ETV1: variants seen among roughly 807,000 people sequenced by gnomAD.
The protein encoded by ETV1 is ETS variant transcription factor 1.
ETV1 carries 27 observed loss-of-function variants against 62.3 expected under a neutral mutation model. That is an observed-to-expected ratio of 0.43 (90% CI 0.32 to 0.60). The LOEUF (loss-of-function observed/expected upper bound fraction) is 0.60. Ranked by LOEUF, ETV1 falls within the 20% of genes least tolerant of loss-of-function variation. The pLI, the probability that ETV1 is intolerant of heterozygous loss-of-function variation, is 0.06. For synonymous variants in ETV1, 222 were observed against 199.6 expected, an observed-to-expected ratio of 1.11 and a Z score of -0.94; for missense variants, 605 against 605.8, an observed-to-expected ratio of 1.00 and a Z score of 0.01.
chr7:13,987,420 A>T (rs1466060859), intron 4 of ETV1, among the ~76,000 whole-genome samples: 1 of 152,178 alleles, frequency 6.6e-6, no homozygotes. Flanking sequence ...AAGTATATTA[A>T]GTTTATTATG....
Position 13,932,042 on chromosome 7 carries a change from ACC to A in ETV1, c.555-295_555-294del, listed in dbSNP as rs961154132. 8.3e-3 allele frequency among the ~76,000 whole-genome samples: 961 copies of A among 116,422 alleles called. 14 individuals are homozygous for A. Among genetic ancestry groups the A allele is most frequent in the African/African-American group, 0.028 (887 of 31,422 alleles). The allele number at this position is 116,422 out of a possible 152,430, so 76.4% of individuals were successfully genotyped here. ...ATGAAAAACTTTGAGGATTTTACACACCCACACACACACACACACACACACAC... is the reference window on the plus strand; with the variant it reads ...ATGAAAAACTTTGAGGATTTTACACACACACACACACACACACACACACAC... On this transcript the variant is annotated intron_variant, in intron 8 of 13. Transcript: ENST00000430479.
At chr7:13,963,573 A>G (rs1333680827) in intron 6 of ETV1, among the ~76,000 whole-genome samples, 1 of 151,600 alleles carries the variant, frequency 6.6e-6, no homozygotes, top group African/African-American at 2.4e-5. Flanking sequence ...CTATACGTAT[A>G]TATAGAGAGA....
At position 13,950,941 on chromosome 7, in the gene ETV1, C is replaced by CACACACAA. The variant is rs796670451; in HGVS notation, c.236-11696_236-11695insTTGTGTGT. On this transcript the variant is annotated intron_variant, in intron 6 of 13. Transcript: ENST00000430479. ...ACACACACACACACACACACACACA[C>CACACACAA]AATATCGAGCAATACTGGGTCCAAT... Among the ~76,000 whole-genome samples the CACACACAA allele has an allele frequency of 2.5e-3, 369 of 147,204 alleles. 4 individuals are homozygous for CACACACAA. The highest frequency in any genetic ancestry group is 0.015 in the South Asian group (67 of 4,594).
chr7:13,916,741 C>T (rs886652316), intron 9 of ETV1, among the ~76,000 whole-genome samples: 1 of 152,006 alleles, frequency 6.6e-6, no homozygotes, highest in Admixed American at 6.6e-5. Context: ...CCAGCCTGGG[C>T]AATATGGTGA....
In ETV1 at chr7:13,895,388, G is replaced by A; in HGVS notation, c.*478C>T. On this transcript the variant is annotated 3_prime_UTR_variant, in exon 14 of 14. Transcript: ENST00000430479. ...AAACTGCCATTTACAGTAGATTGGG[G>A]TTTTTTTGTACACCTGCAGAGACTC... The A allele has an allele frequency of 4.2e-6, 1 of 235,518 alleles. No individual in the cohort carries two copies. Among genetic ancestry groups the A allele is most frequent in the Non-Finnish European group, 8.4e-6 (1 of 119,404 alleles). 14.6% of individuals were successfully genotyped at this position (235,518 alleles called of 1,614,324 possible).
chr7:13,921,068 C>G (rs912936668), intron 9 of ETV1, among the ~76,000 whole-genome samples: 5 of 152,132 alleles, frequency 3.3e-5, no homozygotes, highest in African/African-American at 9.7e-5. Context: ...TTAACATTTT[C>G]TGAAAGTTCA....
In ETV1 at chr7:13,962,604, C is replaced by G. The variant is rs147658106; in HGVS notation, c.235+14823G>C. Among the ~76,000 whole-genome samples, 706 of 152,132 alleles carry G rather than the reference C, an allele frequency of 4.6e-3. 16 individuals carry two copies. The highest frequency in any genetic ancestry group is 2.9e-3 in the Non-Finnish European group (195 of 67,958). On this transcript the variant is annotated intron_variant, in intron 6 of 13. Transcript: ENST00000430479. ...GAGTCCAAACCAATTTTAAAATTCT[C>G]TTTTGAGAGCATCATTATTTTGTTA...
chr7:13,932,669 A>G (rs187222240), intron 8 of ETV1, among the ~76,000 whole-genome samples: 30 of 152,310 alleles, frequency 2.0e-4, no homozygotes, highest in Non-Finnish European at 5.9e-5. Context: ...CATCCATAAT[A>G]TCATTGACCC....
intron 9 of ETV1, among the ~76,000 whole-genome samples, chr7:13,923,305 G>A (rs554668045): frequency 4.6e-5 from 7 of 152,286 alleles, no homozygotes; most frequent in Middle Eastern, 6.8e-3. Context: ...ACTACAGGCA[G>A]CATTAGGAAT....
chr7:13,949,348 C>T (rs1045463113), intron 6 of ETV1, among the ~76,000 whole-genome samples: 7 of 152,106 alleles, frequency 4.6e-5, no homozygotes, highest in African/African-American at 1.7e-4. Context: ...ACTTCAATTT[C>T]AGGTAATAAA....
At chr7:13,913,876 CTCTT>C (rs1783830984) in intron 9 of ETV1, among the ~76,000 whole-genome samples, 1 of 118,884 alleles carries the variant, frequency 8.4e-6, no homozygotes, top group African/African-American at 3.3e-5. Context: ...TTGGGGGTAC[CTCTT>C]TTTTTTTTTT....
chr7:13,981,974 A>T (rs1562716003), intron 5 of ETV1, among the ~76,000 whole-genome samples: 1 of 152,144 alleles, frequency 6.6e-6, no homozygotes, highest in Non-Finnish European at 1.5e-5. Flanking sequence ...CATTAAAATG[A>T]TTGTACAAAT....
At chr7:13,896,739 G>GA (rs1781841551) in intron 13 of ETV1, among the ~76,000 whole-genome samples, 2 of 55,296 alleles carry the variant, frequency 3.6e-5, no homozygotes, top group Admixed American at 3.9e-4. Context: ...GAAAAAGAAA[G>GA]AAAGGAAAGA....
chr7:13,967,773 A>T (rs144621763), intron 6 of ETV1, among the ~76,000 whole-genome samples: 14 of 152,274 alleles, frequency 9.2e-5, no homozygotes, highest in Admixed American at 4.6e-4. Context: ...GTCCACATGT[A>T]CTAGTTTAGC....
At chr7:13,923,506 T>C (rs946482183) in intron 9 of ETV1, among the ~76,000 whole-genome samples, 5 of 152,366 alleles carry the variant, frequency 3.3e-5, no homozygotes, top group Middle Eastern at 3.4e-3. Context: ...CTCTGACAGA[T>C]GAAAGTTAAA....
chr7:13,893,399 T>C lies in ETV1; in HGVS notation c.*2467A>G, dbSNP rs1027696349. 1.7e-5 allele frequency: 4 copies of C among 230,792 alleles called. No homozygotes were observed. Among genetic ancestry groups the C allele is most frequent in the African/African-American group, 8.8e-5 (4 of 45,260 alleles). 14.3% of individuals were successfully genotyped at this position (230,792 alleles called of 1,614,324 possible). On this transcript the variant is annotated 3_prime_UTR_variant, in exon 14 of 14. Transcript: ENST00000430479. ...TTTTTCAAAAGAGTTTATAATGTAA[T>C]ATTTTCAACCCTTCTGTATTGGAAA...
chr7:13,914,022 T>TCCTG (rs1783861584), intron 9 of ETV1, among the ~76,000 whole-genome samples: 1 of 151,692 alleles, frequency 6.6e-6, no homozygotes, highest in Non-Finnish European at 1.5e-5. Flanking sequence ...TAGCTGGGAC[T>TCCTG]ACAGGCTCCC....
chr7:13,896,230 T>C, intron 13 of ETV1, 143 bp from the exon 14 acceptor site: 1 of 537,566 alleles, frequency 1.9e-6, no homozygotes, highest in Non-Finnish European at 3.2e-6. Context: ...TAATAGCAGA[T>C]ACACATAAAA....
chr7:13,962,179 G>C (rs1790246217), intron 6 of ETV1, among the ~76,000 whole-genome samples: 2 of 147,380 alleles, frequency 1.4e-5, no homozygotes, highest in African/African-American at 5.2e-5. Context: ...ACAATGTTAT[G>C]TACACACACA....
Sources: gnomAD v4.1 joint callset for allele counts (sites outside exome capture counted in the v4.1 genomes callset) on GRCh38, gnomAD v4.1.1 for gene constraint, MANE v1.5 for transcripts, NCBI Gene and HGNC (gene_info 2026-07-23, HGNC 2026-07-21) for gene names.